Variants in SULF1 observed in about 807,000 individuals in gnomAD.
SULF1 encodes the protein extracellular sulfatase Sulf-1.
Under a neutral mutation model 110.5 loss-of-function variants are expected in SULF1, and 46 were observed. The observed-to-expected ratio is 0.42, with a 90% confidence interval of 0.33 to 0.53. The LOEUF is 0.53. Ranked by LOEUF, SULF1 falls within the 20% of genes least tolerant of loss-of-function variation. The pLI is 0.12. For missense variants in SULF1, 941 were observed against 1,094.2 expected, an observed-to-expected ratio of 0.86 and a Z score of 1.98; for synonymous variants, 371 against 387.1, an observed-to-expected ratio of 0.96 and a Z score of 0.49.
At chr8:69,644,172 T>C (rs1811703766) in intron 22 of SULF1, among the ~76,000 whole-genome samples, 1 of 152,192 alleles carries the variant, frequency 6.6e-6, no homozygotes, top group African/African-American at 2.4e-5. Flanking sequence ...AGTGACAGTG[T>C]GTGCCAAAGG....
chr8:69,537,138 A>G (rs1201500427), intron 3 of SULF1, among the ~76,000 whole-genome samples: 1 of 152,142 alleles, frequency 6.6e-6, no homozygotes, highest in Non-Finnish European at 1.5e-5. Context: ...CAGCATTAGG[A>G]GACTCTGTGC....
intron 13 of SULF1, among the ~76,000 whole-genome samples, chr8:69,618,504 G>C (rs538105793): frequency 4.6e-5 from 7 of 152,256 alleles, no homozygotes; most frequent in Non-Finnish European, 2.9e-5. Context: ...TTTTATATCA[G>C]AGACTTGAGC....
intron 5 of SULF1, among the ~76,000 whole-genome samples, chr8:69,568,707 T>C (rs1255127201): frequency 2.6e-5 from 4 of 152,164 alleles, no homozygotes; most frequent in Non-Finnish European, 5.9e-5. Flanking sequence ...CCGTAAGTAC[T>C]TCAGAGTTTT....
rs1363957234 is a variant in SULF1, at chr8:69,638,854, T to C, written c.2547T>C (p.Asp849=). Residue 849 remains aspartate, a synonymous_variant, in exon 21 of 23, where the codon GAT becomes GAC. Coordinates refer to ENST00000402687, the MANE Select transcript of SULF1 (RefSeq NM_001128205.2). ...GCAACCCAAGACCTAAGAATCTTGA[T>C]GTTGGTAAGGAAAAAAATACTATTT... ...KQCNPRPKNL[D]VGNKDGGSYD... is the part of the protein sequence containing the mutation. The C allele has an allele frequency of 2.5e-6, 4 of 1,603,042 alleles. No homozygotes were observed. The highest frequency in any genetic ancestry group is 2.7e-5 in the African/African-American group (2 of 74,330).
At chr8:69,524,494 C>T (rs1812529888) in intron 3 of SULF1, among the ~76,000 whole-genome samples, 1 of 152,104 alleles carries the variant, frequency 6.6e-6, no homozygotes, top group Non-Finnish European at 1.5e-5. Context: ...CAAGAACTCA[C>T]TCATTCCCAT....
intron 19 of SULF1, among the ~76,000 whole-genome samples, chr8:69,633,022 GAA>G (rs111362479): frequency 1.0e-5 from 1 of 96,914 alleles, no homozygotes; most frequent in Non-Finnish European, 2.3e-5. Flanking sequence ...CATGTCAGAA[GAA>G]AAAAAAAAAA....
chr8:69,468,629 TC>T (rs2150527180), intron 1 of SULF1, among the ~76,000 whole-genome samples: 1 of 152,296 alleles, frequency 6.6e-6, no homozygotes, highest in African/African-American at 2.4e-5. Flanking sequence ...TTCCAGTCAT[TC>T]CATTTTGGCT....
At chr8:69,539,416 A>C (rs1043042216) in intron 3 of SULF1, among the ~76,000 whole-genome samples, 1 of 152,248 alleles carries the variant, frequency 6.6e-6, no homozygotes, top group South Asian at 2.1e-4. Flanking sequence ...TTATACTATG[A>C]TGTGCAAATA....
chr8:69,568,528 A>G (rs1172001001), intron 5 of SULF1, among the ~76,000 whole-genome samples: 1 of 152,228 alleles, frequency 6.6e-6, no homozygotes, highest in South Asian at 2.1e-4. Context: ...TTTTGTTCAC[A>G]TTATTGTGAA....
chr8:69,563,914 A>G lies in SULF1; in HGVS notation c.-60-2A>G. On this transcript the variant is annotated splice_acceptor_variant, in intron 4 of 22. Transcript: ENST00000402687. LOFTEE classifies it low-confidence loss of function (5UTR_SPLICE). ...CGTCTCCGTTTTTCTCTGACTGCCC[A>G]GAACTCCAGAAATCAGGAGACGGAG... The G allele has an allele frequency of 6.4e-7, 1 of 1,561,314 alleles. No homozygotes were observed. Among genetic ancestry groups the G allele is most frequent in the Middle Eastern group, 2.1e-4 (1 of 4,860 alleles).
intron 3 of SULF1, among the ~76,000 whole-genome samples, chr8:69,527,646 T>A (rs1446818947): frequency 6.6e-6 from 1 of 152,152 alleles, no homozygotes; most frequent in Non-Finnish European, 1.5e-5. Flanking sequence ...CACAGGTTCC[T>A]AAGTAAATAT....
At chr8:69,482,543 G>A (rs533453618) in intron 1 of SULF1, among the ~76,000 whole-genome samples, 45 of 151,292 alleles carry the variant, frequency 3.0e-4, no homozygotes, top group Non-Finnish European at 4.9e-4. Flanking sequence ...TTCAAGGGAG[G>A]AATATATATA....
intron 15 of SULF1, chr8:69,625,830 TTC>T (rs1809966352): frequency 6.6e-6 from 1 of 152,442 alleles, no homozygotes; most frequent in Non-Finnish European, 1.5e-5. Context: ...CCTGCTTTTA[TTC>T]TCTTATCTGG....
chr8:69,539,581 T>G (rs1185183241), intron 3 of SULF1, among the ~76,000 whole-genome samples: 1 of 152,220 alleles, frequency 6.6e-6, no homozygotes, highest in Non-Finnish European at 1.5e-5. Flanking sequence ...ACATCCATTC[T>G]TCTATTCCAA....
chr8:69,589,060 T>G lies in SULF1; in HGVS notation c.653T>G (p.Val218Gly). ...RMYPHRPVMM[V>G]ISHAAPHGPE... ...TATCCCCATAGGCCCGTTATGATGG[T>G]GATCAGCCACGCTGCGCCCCACGGC... The change falls in exon 8 of 23, where the codon GTG becomes GGG. Residue 218 changes from valine to glycine, a missense_variant. Coordinates refer to ENST00000402687, the MANE Select transcript of SULF1 (RefSeq NM_001128205.2). 1 of 1,614,206 alleles carries G rather than the reference T, an allele frequency of 6.2e-7. No homozygotes were observed. Among genetic ancestry groups the G allele is most frequent in the Non-Finnish European group, 8.5e-7 (1 of 1,180,006 alleles).
chr8:69,520,028 TGAC>T (rs1812184805), intron 3 of SULF1, among the ~76,000 whole-genome samples: 1 of 151,568 alleles, frequency 6.6e-6, no homozygotes, highest in African/African-American at 2.4e-5. Context: ...TAAAAATCTA[TGAC>T]GCTTAAAATC....
At chr8:69,555,285 T>G (rs1815037288) in intron 3 of SULF1, among the ~76,000 whole-genome samples, 1 of 152,144 alleles carries the variant, frequency 6.6e-6, no homozygotes, top group Non-Finnish European at 1.5e-5. Context: ...GGAAGGAACT[T>G]GTTTCCCCAC....
intron 3 of SULF1, among the ~76,000 whole-genome samples, chr8:69,552,440 T>C (rs1814789847): frequency 6.6e-6 from 1 of 152,214 alleles, no homozygotes; most frequent in Non-Finnish European, 1.5e-5. Context: ...GGCTTTATTC[T>C]CCAATAAAAC....
At chr8:69,599,298 G>A (rs573742340) in intron 8 of SULF1, among the ~76,000 whole-genome samples, 8 of 152,268 alleles carry the variant, frequency 5.3e-5, no homozygotes, top group South Asian at 2.1e-4. Context: ...CAGATTTCTC[G>A]GTCACATAAA....
Sources: gnomAD v4.1 joint callset for allele counts (sites outside exome capture counted in the v4.1 genomes callset) on GRCh38, gnomAD v4.1.1 for gene constraint, MANE v1.5 for transcripts, NCBI Gene and HGNC (gene_info 2026-07-23, HGNC 2026-07-21) for gene names.